RNF19A: variants seen among roughly 807,000 people sequenced by gnomAD.
RNF19A encodes E3 ubiquitin-protein ligase RNF19A.
RNF19A carries 32 observed loss-of-function variants against 75.7 expected under a neutral mutation model. The observed-to-expected ratio is 0.42, with a 90% confidence interval of 0.32 to 0.57. RNF19A has a LOEUF of 0.57. Ranked by LOEUF, RNF19A falls within the 20% of genes least tolerant of loss-of-function variation. The probability of loss-of-function intolerance (pLI) is 0.10; values close to 1 mark genes in which losing one functional copy is unlikely to be tolerated. For synonymous variants in RNF19A, 335 were observed against 345.2 expected (o/e 0.97, Z 0.33); for missense variants, 782 against 1,036.3 (o/e 0.75, Z 3.37).
chr8:100,293,884 A>T (rs1006692070), intron 1 of RNF19A, among the ~76,000 whole-genome samples: 2 of 152,200 alleles, frequency 1.3e-5, no homozygotes, highest in East Asian at 3.9e-4. Context: ...ATCTGCTGTT[A>T]AATCCATCCA....
At chr8:100,274,772 T>C (rs1820422334) in intron 3 of RNF19A, among the ~76,000 whole-genome samples, 181 bp downstream of exon 3, 1 of 152,218 alleles carries the variant, frequency 6.6e-6, no homozygotes, top group Non-Finnish European at 1.5e-5. Context: ...CTGGACAGTA[T>C]AATCTTTCTA....
intron 2 of RNF19A, among the ~76,000 whole-genome samples, chr8:100,281,829 C>T (rs1820794390): frequency 6.6e-6 from 1 of 152,074 alleles, no homozygotes; most frequent in Admixed American, 6.5e-5. Flanking sequence ...GGGGAACAGT[C>T]AAGTTTTATA....
In RNF19A at chr8:100,259,366, C is replaced by A. The variant is rs1018192026; in HGVS notation, c.1827-120G>T. On this transcript the variant is annotated intron_variant, in intron 9 of 9. Transcript: ENST00000341084. The surrounding 1 kb of genome is among the most constrained non-coding windows in gnomAD (Gnocchi z 4.5). ...TATATAAGCTATGAGAACACCTTAA[C>A]GCAGAACACGTTCTACTTAAAAAAC... is the stretch of plus-strand genomic sequence containing the variant. 1.4e-6 allele frequency: 1 copy of A among 716,240 alleles called. No individual in the cohort carries two copies. Among genetic ancestry groups the A allele is most frequent in the Admixed American group, 2.7e-5 (1 of 36,578 alleles). 44.4% of individuals were successfully genotyped at this position (716,240 alleles called of 1,614,324 possible). A position where few individuals can be genotyped will look rare whatever the true frequency, so the allele number is the denominator to read the frequency against.
intron 5 of RNF19A, among the ~76,000 whole-genome samples, chr8:100,266,308 G>A (rs1415606661): frequency 1.3e-5 from 2 of 151,912 alleles, no homozygotes; most frequent in Non-Finnish European, 2.9e-5. Context: ...GTACATGTTT[G>A]AAAAAAGGAG....
chr8:100,324,570 T>C lies in RNF19A; in HGVS notation c.-242-11198A>G, dbSNP rs969997811. On this transcript the variant is annotated intron_variant, in intron 1 of 3. Transcript: ENST00000519527. The surrounding 1 kb of genome is among the most constrained non-coding windows in gnomAD (Gnocchi z 4.2). ...CTCTGTCCAAACCCTACTCCCACTT[T>C]ACCCCCATCTAGTAATGAATCACTG... 3.3e-5 allele frequency among the ~76,000 whole-genome samples: 5 copies of C among 152,190 alleles called. No individual in the cohort carries two copies. The highest frequency in any genetic ancestry group is 1.2e-4 in the African/African-American group (5 of 41,448).
chr8:100,270,888 T>G (rs747697148), intron 3 of RNF19A, among the ~76,000 whole-genome samples: 5 of 152,174 alleles, frequency 3.3e-5, no homozygotes, highest in Non-Finnish European at 4.4e-5. Flanking sequence ...AACATAACTT[T>G]AGGAAAATTA....
At chr8:100,299,858 A>T (rs1821744555) in intron 1 of RNF19A, among the ~76,000 whole-genome samples, 2 of 152,196 alleles carry the variant, frequency 1.3e-5, no homozygotes, top group Admixed American at 6.5e-5. Context: ...ATTATTGATA[A>T]CAGTAGCATC....
intron 1 of RNF19A, among the ~76,000 whole-genome samples, chr8:100,303,845 G>A (rs1295438331): frequency 1.3e-5 from 2 of 151,662 alleles, no homozygotes; most frequent in South Asian, 2.1e-4. Flanking sequence ...GCTGAGGAAT[G>A]AGAATCGTTT....
At chr8:100,265,376 A>C (rs1401778178) in intron 5 of RNF19A, among the ~76,000 whole-genome samples, 1 of 152,238 alleles carries the variant, frequency 6.6e-6, no homozygotes, top group African/African-American at 2.4e-5. Context: ...CAGAGAAAGA[A>C]AAAAGATGAT....
In RNF19A at chr8:100,257,375, T is replaced by C. The variant is rs1337300164; in HGVS notation, c.*1181A>G. On this transcript the variant is annotated 3_prime_UTR_variant, in exon 10 of 10. Transcript: ENST00000341084. The stretch of plus-strand genomic sequence containing the variant: ...AACCTGCTTTTATTTAAGTGAATTA[T>C]ACAGGAAATTAACAGTACAGGCAGT... 2 of 152,622 alleles carry C rather than the reference T, an allele frequency of 1.3e-5. No individual in the cohort carries two copies. The highest frequency in any genetic ancestry group is 4.8e-5 in the African/African-American group (2 of 41,454). 9.5% of individuals were successfully genotyped at this position (152,622 alleles called of 1,614,324 possible). A position where few individuals can be genotyped will look rare whatever the true frequency, so the allele number is the denominator to read the frequency against.
upstream of RNF19A, among the ~76,000 whole-genome samples, chr8:100,312,715 G>A (rs1822319332): frequency 1.3e-5 from 2 of 152,078 alleles, no homozygotes; most frequent in Admixed American, 1.3e-4. Context: ...CTTGAGGCCA[G>A]GAGTTTGATA....
In RNF19A at chr8:100,332,855, G is replaced by A. The variant is rs1362589481; in HGVS notation, c.-243+3253C>T. 1.3e-5 allele frequency among the ~76,000 whole-genome samples: 2 copies of A among 151,928 alleles called. No homozygotes were observed. Among genetic ancestry groups the A allele is most frequent in the East Asian group, 3.9e-4 (2 of 5,186 alleles). ...ATTAGGATGTTGACCATTATTGATT[G>A]GTACAAGCTGTTTATATTTTGTGGA... On this transcript the variant is annotated intron_variant, in intron 1 of 3. Coordinates refer to the RNF19A transcript ENST00000519527. The surrounding 1 kb of genome is among the most constrained non-coding windows in gnomAD (Gnocchi z 4.8).
At position 100,331,721 on chromosome 8, in the gene RNF19A, T is replaced by A. The variant is rs1822613592; in HGVS notation, c.-243+4387A>T. Reference sequence around the variant, plus strand: ...GAAAGTCTCTTTTTAAATTCTATTCTTTAATTTCCACCTCTTCAGTGCCTC... The same window carrying A: ...GAAAGTCTCTTTTTAAATTCTATTCATTAATTTCCACCTCTTCAGTGCCTC... On this transcript the variant is annotated intron_variant, in intron 1 of 3. Coordinates refer to the RNF19A transcript ENST00000519527. The surrounding 1 kb of genome is among the most constrained non-coding windows in gnomAD (Gnocchi z 5.2). 6.6e-6 allele frequency among the ~76,000 whole-genome samples: 1 copy of A among 152,198 alleles called. No individual in the cohort carries two copies.
chr8:100,259,172 C>CTTAG lies in RNF19A; in HGVS notation c.1900_1901insCTAA (p.Ser634ThrfsTer3). On this transcript the variant is annotated frameshift_variant, in exon 10 of 10. Transcript: ENST00000341084. LOFTEE classifies it high-confidence loss of function. The surrounding 1 kb of genome is among the most constrained non-coding windows in gnomAD (Gnocchi z 4.5). ...GGTGGCACTGCCATCATCCACACTA[C>CTTAG]TGCTTCCACTGTTGTGCCTGAATTT... 6.2e-7 allele frequency: 1 copy of CTTAG among 1,614,162 alleles called. No individual in the cohort carries two copies. The highest frequency in any genetic ancestry group is 8.5e-7 in the Non-Finnish European group (1 of 1,180,008).
rs533492464 is a variant in RNF19A at position 100,287,068 on chromosome 8, A to G, written c.674+433T>C. 5.8e-4 allele frequency among the ~76,000 whole-genome samples: 89 copies of G among 152,320 alleles called. No individual in the cohort carries two copies. The highest frequency in any genetic ancestry group is 6.9e-4 in the Non-Finnish European group (47 of 68,022). On this transcript the variant is annotated intron_variant, in intron 2 of 9. Coordinates refer to ENST00000341084, the MANE Select transcript of RNF19A (RefSeq NM_183419.4). This position sits in a 1 kb window ranked among gnomAD's most constrained non-coding sequence, Gnocchi z 4.1. Reference sequence around the variant, plus strand: ...ACATGCTAAGGTAGGTACCTTTCAAAAGGGCCATTTATCTCATATGAGAAA... The same window carrying G: ...ACATGCTAAGGTAGGTACCTTTCAAGAGGGCCATTTATCTCATATGAGAAA...
intron 2 of RNF19A, among the ~76,000 whole-genome samples, chr8:100,283,531 C>A (rs527527999): frequency 6.6e-6 from 1 of 152,044 alleles, no homozygotes; most frequent in African/African-American, 2.4e-5. Flanking sequence ...TTAGAAATAC[C>A]GTCCTTCAAA....
rs142583313 is a variant in RNF19A at position 100,298,339 on chromosome 8, TATAA to T, written c.-93-10076_-93-10073del. On this transcript the variant is annotated intron_variant, in intron 1 of 9. Coordinates refer to ENST00000341084, the MANE Select transcript of RNF19A (RefSeq NM_183419.4). ...ACACGAATTTCTCAAAGGTAAATTA[TATAA>T]ATAATGTACAGCTAGTACAAACCTA... Among the ~76,000 whole-genome samples the T allele has an allele frequency of 9.8e-3, 1,494 of 152,298 alleles. 21 individuals carry two copies. The highest frequency in any genetic ancestry group is 0.034 in the African/African-American group (1,427 of 41,562).
chr8:100,257,565 G>A lies in RNF19A; in HGVS notation c.*991C>T, dbSNP rs139955016. On this transcript the variant is annotated 3_prime_UTR_variant, in exon 10 of 10. Transcript: ENST00000341084. ...TGCATGTGTTAAAAACTGAGGTTATGTAAAGTTATTCACTAAAGCCTGAGT... is the reference window on the plus strand; with the variant it reads ...TGCATGTGTTAAAAACTGAGGTTATATAAAGTTATTCACTAAAGCCTGAGT... 3 of 154,664 alleles carry A rather than the reference G, an allele frequency of 1.9e-5. No individual in the cohort carries two copies. The highest frequency in any genetic ancestry group is 4.3e-5 in the Non-Finnish European group (3 of 69,526). 9.6% of individuals were successfully genotyped at this position (154,664 alleles called of 1,614,324 possible).
chr8:100,313,902 C>CTTTTTTTTT (rs371385291), upstream of RNF19A, among the ~76,000 whole-genome samples: 1 of 132,610 alleles, frequency 7.5e-6, no homozygotes. Context: ...AAGAGAACTA[C>CTTTTTTTTT]TTTTTTTTTG....
Sources: gnomAD v4.1 joint callset for allele counts (sites outside exome capture counted in the v4.1 genomes callset) on GRCh38, gnomAD v4.1.1 for gene constraint, Gnocchi (gnomAD v3.1) non-coding constraint, MANE v1.5 for transcripts, NCBI Gene and HGNC (gene_info 2026-07-23, HGNC 2026-07-21) for gene names.